PRXL2A: variants seen among roughly 807,000 people sequenced by gnomAD.
PRXL2A encodes peroxiredoxin like 2A.
In PRXL2A, 26 loss-of-function variants were observed where a neutral mutation model predicts 25.6. That is an observed-to-expected ratio of 1.02 (90% CI 0.74 to 1.41). The LOEUF is 1.41. Among genes scored for constraint, PRXL2A ranks in the 40% most tolerant of loss-of-function variants. The pLI, the probability that PRXL2A is intolerant of heterozygous loss-of-function variation, is 0.00. For missense variants in PRXL2A, 246 were observed against 273.9 expected (o/e 0.90, Z 0.72); for synonymous variants, 98 against 102.9 (o/e 0.95, Z 0.29).
intron 1 of PRXL2A, among the ~76,000 whole-genome samples, chr10:80,415,403 G>C (rs116214090): frequency 0.067 from 10,211 of 152,266 alleles, 336 homozygotes; most frequent in African/African-American, 0.083. Context: ...GAGTTCTCAG[G>C]GTTCCTTCAG....
chr10:80,417,216 T>C (rs1844691645), intron 1 of PRXL2A, among the ~76,000 whole-genome samples: 2 of 152,240 alleles, frequency 1.3e-5, no homozygotes, highest in South Asian at 4.1e-4. Flanking sequence ...CGGTACCAGG[T>C]GCAAGGCTCT....
At position 80,435,200 on chromosome 10, in the gene PRXL2A, T is replaced by C. The variant is rs80234129; in HGVS notation, c.*3101T>C. The C allele has an allele frequency of 0.1, 15,927 of 151,966 alleles. 1,389 individuals are homozygous for C. Among genetic ancestry groups the C allele is most frequent in the African/African-American group, 0.24 (10,074 of 41,378 alleles). 9.4% of individuals were successfully genotyped at this position (151,966 alleles called of 1,614,324 possible). On this transcript the variant is annotated 3_prime_UTR_variant, in exon 6 of 6. Transcript: ENST00000606162. ...CTGCACTTCAGCCTGGGTGACAGAG[T>C]GTGACTCCATCTCAAGAAAAACGAG...
chr10:80,434,623 G>C lies in PRXL2A; in HGVS notation c.*2524G>C, dbSNP rs376861617. The C allele has an allele frequency of 6.6e-6, 1 of 152,218 alleles. No homozygotes were observed. The highest frequency in any genetic ancestry group is 1.9e-4 in the East Asian group (1 of 5,192). 9.4% of individuals were successfully genotyped at this position (152,218 alleles called of 1,614,324 possible). ...AGAGGTGATGGAATTTTAAAGAGGG[G>C]AGGGAGGAGGTTCAAATAGAACTAG... is the stretch of plus-strand genomic sequence containing the variant. On this transcript the variant is annotated 3_prime_UTR_variant, in exon 6 of 6. Coordinates refer to ENST00000606162, the MANE Select transcript of PRXL2A (RefSeq NM_032333.5).
chr10:80,408,180 A>AC (rs1263396618), upstream of PRXL2A, among the ~76,000 whole-genome samples: 1 of 151,826 alleles, frequency 6.6e-6, no homozygotes, highest in Non-Finnish European at 1.5e-5. Context: ...AAAAAAAAAA[A>AC]AAAAACCTAT....
At chr10:80,417,161 A>G (rs1844689059) in intron 1 of PRXL2A, among the ~76,000 whole-genome samples, 1 of 152,278 alleles carries the variant, frequency 6.6e-6, no homozygotes, top group South Asian at 2.1e-4. Context: ...AAATGGTTAC[A>G]GAGAGATAAA....
intron 1 of PRXL2A, among the ~76,000 whole-genome samples, chr10:80,414,390 G>T (rs1052933494): frequency 1.4e-4 from 21 of 152,136 alleles, no homozygotes; most frequent in African/African-American, 5.1e-4. Flanking sequence ...TTAATGGAAG[G>T]GGGGATAGAA....
At chr10:80,408,321 C>T (rs1164998123), upstream of PRXL2A, among the ~76,000 whole-genome samples, 1 of 152,196 alleles carries the variant, frequency 6.6e-6, no homozygotes, top group Non-Finnish European at 1.5e-5. Context: ...CCCTGAAGAA[C>T]GCGTCGGGGC....
chr10:80,414,192 C>T (rs1844571484), intron 1 of PRXL2A, among the ~76,000 whole-genome samples: 1 of 152,164 alleles, frequency 6.6e-6, no homozygotes. Flanking sequence ...ATGTTCAGAC[C>T]AGAGCTGCCA....
intron 1 of PRXL2A, among the ~76,000 whole-genome samples, chr10:80,408,881 C>T (rs1412750203): frequency 6.6e-6 from 1 of 152,236 alleles, no homozygotes; most frequent in Non-Finnish European, 1.5e-5. Flanking sequence ...ACCCTGCGCC[C>T]AGACGTCGGA....
At chr10:80,431,218 G>C (rs928928447) in intron 5 of PRXL2A, among the ~76,000 whole-genome samples, 1 of 151,692 alleles carries the variant, frequency 6.6e-6, no homozygotes, top group African/African-American at 2.4e-5. Context: ...TTTAATGTCT[G>C]TATTATGGTT....
At chr10:80,410,159 A>G (rs1199598629) in intron 1 of PRXL2A, among the ~76,000 whole-genome samples, 2 of 152,258 alleles carry the variant, frequency 1.3e-5, no homozygotes, top group African/African-American at 4.8e-5. Flanking sequence ...CTGTCCTGCC[A>G]GTTGGGTTCT....
At chr10:80,412,248 T>C (rs1844501975) in intron 1 of PRXL2A, among the ~76,000 whole-genome samples, 1 of 152,170 alleles carries the variant, frequency 6.6e-6, no homozygotes. Flanking sequence ...TAAGTCAGAT[T>C]GCCCTGCTAG....
intron 2 of PRXL2A, 65 bp from the exon 3 acceptor site, chr10:80,422,352 T>C: frequency 7.6e-7 from 1 of 1,315,298 alleles, no homozygotes; most frequent in Non-Finnish European, 1.1e-6. Context: ...GTGTGGTTCA[T>C]GAGCTGCTTA....
At chr10:80,423,936 C>A (rs1423708880) in intron 3 of PRXL2A, among the ~76,000 whole-genome samples, 1 of 152,118 alleles carries the variant, frequency 6.6e-6, no homozygotes, top group African/African-American at 2.4e-5. Context: ...TAGAGGCCAC[C>A]TATGTATATT....
At chr10:80,424,843 TA>T (rs1220525617) in intron 3 of PRXL2A, among the ~76,000 whole-genome samples, 2 of 151,962 alleles carry the variant, frequency 1.3e-5, no homozygotes, top group Non-Finnish European at 2.9e-5. Flanking sequence ...CATGGGCGAG[TA>T]GCGTGGGCGA....
rs942580331 is a variant in PRXL2A, at chr10:80,433,141, G to C, written c.*1042G>C. ...CTGGTTCTAGCTATCTAAGTGGTTT[G>C]AAAATGACCAGGAAAAATTCATCCT... On this transcript the variant is annotated 3_prime_UTR_variant, in exon 6 of 6. Coordinates refer to ENST00000606162, the MANE Select transcript of PRXL2A (RefSeq NM_032333.5). 6.6e-6 allele frequency: 1 copy of C among 152,180 alleles called. No individual in the cohort carries two copies. Among genetic ancestry groups the C allele is most frequent in the African/African-American group, 2.4e-5 (1 of 41,428 alleles). The allele number at this position is 152,180 out of a possible 1,614,324, so 9.4% of individuals were successfully genotyped here. A position where few individuals can be genotyped will look rare whatever the true frequency, so the allele number is the denominator to read the frequency against.
chr10:80,430,728 G>A (rs1285620965), intron 5 of PRXL2A, among the ~76,000 whole-genome samples: 1 of 152,198 alleles, frequency 6.6e-6, no homozygotes, highest in African/African-American at 2.4e-5. Flanking sequence ...ACCATCCTAT[G>A]AGCTCAGCCA....
intron 2 of PRXL2A, among the ~76,000 whole-genome samples, chr10:80,421,911 T>C (rs1200300541): frequency 2.0e-5 from 3 of 152,224 alleles, no homozygotes; most frequent in African/African-American, 2.4e-5. Flanking sequence ...TCAGATTCAG[T>C]TGGACCTTAG....
At position 80,413,815 on chromosome 10, in the gene PRXL2A, G is replaced by A. The variant is rs778783551; in HGVS notation, c.-3+5172G>A. ...CTCCCCTTGCCGCCTGCCCAGGCCC[G>A]TCTGCTCACCCCTGGATATACTTCT... is the stretch of plus-strand genomic sequence containing the variant. On this transcript the variant is annotated intron_variant, in intron 1 of 5. Coordinates refer to ENST00000606162, the MANE Select transcript of PRXL2A (RefSeq NM_032333.5). 68 of 1,111,216 alleles carry A rather than the reference G, an allele frequency of 6.1e-5. 2 individuals carry two copies. The South Asian group carries it at 6.8e-4, about 11-fold the overall frequency. The allele number at this position is 1,111,216 out of a possible 1,614,324, so 68.8% of individuals were successfully genotyped here. A position where few individuals can be genotyped will look rare whatever the true frequency, so the allele number is the denominator to read the frequency against.
Sources: allele counts gnomAD v4.1 joint callset (sites outside exome capture counted in the v4.1 genomes callset), GRCh38; gene constraint gnomAD v4.1.1; transcripts MANE v1.5; gene names NCBI Gene and HGNC (gene_info 2026-07-23, HGNC 2026-07-21).